The following AFTPH variants were observed in gnomAD, a reference collection of about 807,000 sequenced individuals.
The protein encoded by AFTPH is aftiphilin protein.
In AFTPH, 7 loss-of-function variants were observed where a neutral mutation model predicts 72.5. The observed-to-expected ratio is 0.10, with a 90% CI of 0.05 to 0.18. The LOEUF is 0.18. AFTPH is among the 10% of genes least tolerant of loss of function. The pLI, the probability that AFTPH is intolerant of heterozygous loss-of-function variation, is 1.00. For synonymous variants in AFTPH, 337 were observed against 370.1 expected (o/e 0.91, Z 1.03); for missense variants, 979 against 1,060.5 (o/e 0.92, Z 1.07).
chr2:64,541,912 T>C (rs2103864498), intron 1 of AFTPH, among the ~76,000 whole-genome samples: 1 of 152,354 alleles, frequency 6.6e-6, no homozygotes, highest in South Asian at 2.1e-4. Flanking sequence ...ATGTCATTGA[T>C]ACTATTGAAG....
intron 1 of AFTPH, among the ~76,000 whole-genome samples, chr2:64,536,449 C>G (rs150286990): frequency 5.9e-5 from 9 of 151,560 alleles, no homozygotes; most frequent in African/African-American, 2.2e-4. Flanking sequence ...GCCTGTAATC[C>G]CAGCTATTGC....
At chr2:64,581,295 C>CTGG (rs1673181657) in intron 7 of AFTPH, 22 bp downstream of exon 8, 1 of 1,556,790 alleles carries the variant, frequency 6.4e-7, no homozygotes, top group African/African-American at 1.4e-5. Context: ...GTTAAAACCA[C>CTGG]AATTCCAGTT....
chr2:64,569,023 T>TTA, intron 3 of AFTPH, 69 bp from the exon 4 acceptor site: 1 of 1,562,942 alleles, frequency 6.4e-7, no homozygotes, highest in Admixed American at 1.7e-5. Context: ...ACAGCCATAT[T>TTA]ATAAGTAGAA....
At chr2:64,591,864 T>C (rs751303888) in intron 8 of AFTPH, 24 bp from the exon 10 acceptor site, 1 of 1,612,912 alleles carries the variant, frequency 6.2e-7, no homozygotes, top group South Asian at 1.1e-5. Context: ...TTAACACACT[T>C]GTCTTTTTTT....
chr2:64,567,666 A>G (rs907977061), exon 3 of AFTPH: 4 of 1,613,796 alleles, frequency 2.5e-6, no homozygotes, highest in Non-Finnish European at 3.4e-6. Context: ...ACTTGCTGGA[A>G]ACAAGCACTT....
In AFTPH at chr2:64,544,505, G is replaced by A. The variant is rs532942340; in HGVS notation, c.-32-6938G>A. 1.8e-4 allele frequency among the ~76,000 whole-genome samples: 27 copies of A among 152,298 alleles called. No homozygotes were observed. In the South Asian group the frequency reaches 2.9e-3, roughly 16 times the overall value. On this transcript the variant is annotated intron_variant, in intron 1 of 8. Transcript: ENST00000238856. ...ACTCCTTGTGGTGTGGATGGAGAAA[G>A]TAGTCCATTACGAAGGATGAAGAAA...
exon 1 of AFTPH, chr2:64,524,409 G>C (rs537949156): frequency 4.9e-6 from 2 of 405,048 alleles, no homozygotes; most frequent in African/African-American, 4.1e-5. Context: ...GGCGGAAGAG[G>C]GCGGAGGGTA....
intron 1 of AFTPH, among the ~76,000 whole-genome samples, chr2:64,550,694 C>G (rs1037056736): frequency 1.3e-4 from 9 of 69,680 alleles, no homozygotes; most frequent in African/African-American, 4.2e-4. Context: ...CACACACACA[C>G]ACACACACAC....
chr2:64,590,159 CTCT>C (rs1438420211), intron 8 of AFTPH, among the ~76,000 whole-genome samples: 6 of 152,250 alleles, frequency 3.9e-5, no homozygotes, highest in African/African-American at 1.4e-4. Flanking sequence ...GCTGTTGGGG[CTCT>C]TAAGTCCCTT....
intron 7 of AFTPH, among the ~76,000 whole-genome samples, chr2:64,582,128 C>T (rs1237687382): frequency 6.6e-6 from 1 of 152,200 alleles, no homozygotes; most frequent in Non-Finnish European, 1.5e-5. Flanking sequence ...GATCACCAGA[C>T]AGCTGTTGGG....
chr2:64,538,285 C>A (rs1464997477), intron 1 of AFTPH, among the ~76,000 whole-genome samples: 1 of 151,824 alleles, frequency 6.6e-6, no homozygotes. Context: ...TTTCTTTTAT[C>A]CTTTAGCCTT....
chr2:64,581,196 G>GAAATCA, intron 7 of AFTPH: 1 of 1,592,746 alleles, frequency 6.3e-7, no homozygotes, highest in East Asian at 2.3e-5. Flanking sequence ...CAAGCTAGTG[G>GAAATCA]AGGTTCCACT....
intron 6 of AFTPH, 73 bp from the exon 7 acceptor site, chr2:64,579,410 ATTT>A: frequency 1.0e-6 from 1 of 988,590 alleles, no homozygotes; most frequent in East Asian, 3.1e-5. Flanking sequence ...TCTTGCTATA[ATTT>A]TTTTTTTTAA....
intron 8 of AFTPH, among the ~76,000 whole-genome samples, chr2:64,586,978 C>G (rs1219346210): frequency 6.6e-6 from 1 of 152,208 alleles, no homozygotes. Flanking sequence ...CAGTTCTACT[C>G]TTTCCTTCCT....
chr2:64,586,470 T>C (rs902702763), intron 8 of AFTPH, among the ~76,000 whole-genome samples: 2 of 152,238 alleles, frequency 1.3e-5, no homozygotes, highest in African/African-American at 2.4e-5. Flanking sequence ...TAAAAAAGCC[T>C]TTTTTATTGT....
At chr2:64,576,917 C>G (rs942991085) in intron 6 of AFTPH, among the ~76,000 whole-genome samples, 21 of 152,176 alleles carry the variant, frequency 1.4e-4, no homozygotes, top group African/African-American at 5.1e-4. Flanking sequence ...TGCCACCACA[C>G]CTGGCTAATT....
At chr2:64,564,815 A>G (rs1333467590) in intron 2 of AFTPH, among the ~76,000 whole-genome samples, 1 of 151,876 alleles carries the variant, frequency 6.6e-6, no homozygotes, top group Non-Finnish European at 1.5e-5. Context: ...CTTACCACCA[A>G]ACTGGTCTTA....
chr2:64,557,675 CT>C, intron 2 of AFTPH, among the ~76,000 whole-genome samples: 1 of 152,316 alleles, frequency 6.6e-6, no homozygotes, highest in Middle Eastern at 3.4e-3. Context: ...ACCTTTTCAT[CT>C]TCACTTATTT....
intron 1 of AFTPH, among the ~76,000 whole-genome samples, chr2:64,545,166 G>C (rs946716822): frequency 6.6e-6 from 1 of 151,788 alleles, no homozygotes; most frequent in Non-Finnish European, 1.5e-5. Flanking sequence ...GATTAGGCTA[G>C]GAAAAAAAAG....
Sources: allele counts gnomAD v4.1 joint callset (sites outside exome capture counted in the v4.1 genomes callset), GRCh38; gene constraint gnomAD v4.1.1; transcripts MANE v1.5; gene names NCBI Gene and HGNC (gene_info 2026-07-23, HGNC 2026-07-21).